KCNK9: variants seen among roughly 807,000 people sequenced by gnomAD.
KCNK9 encodes potassium channel subfamily K member 9.
KCNK9 carries 1 observed loss-of-function variant against 10.8 expected under a neutral mutation model. The observed-to-expected ratio is 0.09, with a 90% CI of 0.03 to 0.44. The LOEUF (loss-of-function observed/expected upper bound fraction) is 0.44. KCNK9 is among the 20% of genes least tolerant of loss of function. The probability of loss-of-function intolerance (pLI) is 0.97; values close to 1 mark genes in which losing one functional copy is unlikely to be tolerated. For missense variants in KCNK9, 303 were observed against 515.0 expected, an observed-to-expected ratio of 0.59 and a Z score of 3.98; for synonymous variants, 231 against 222.7, an observed-to-expected ratio of 1.04 and a Z score of -0.33.
rs577091538 is a variant in KCNK9 at position 139,636,479 on chromosome 8, C to T, written c.284-17380G>A. 1.3e-4 allele frequency among the ~76,000 whole-genome samples: 20 copies of T among 152,368 alleles called. No individual in the cohort carries two copies. In the South Asian group the frequency reaches 3.9e-3, roughly 30 times the overall value. On this transcript the variant is annotated intron_variant, in intron 1 of 1. Transcript: ENST00000520439. ...CAGATGCAGAACCTCTTTTCCCTTC[C>T]CTATGGCCCTTTCCTTTCAGCAGAG...
intron 1 of KCNK9, among the ~76,000 whole-genome samples, chr8:139,696,927 AGATG>A (rs1353059813): frequency 2.8e-5 from 4 of 141,846 alleles, no homozygotes; most frequent in African/African-American, 1.1e-4. Flanking sequence ...GTGGATGGAT[AGATG>A]GATGAAGGAG....
intron 1 of KCNK9, among the ~76,000 whole-genome samples, chr8:139,680,044 C>T (rs1157436979): frequency 6.6e-6 from 1 of 152,180 alleles, no homozygotes; most frequent in Non-Finnish European, 1.5e-5. Context: ...ATGGCTCCCA[C>T]CCCGACCAGG....
At chr8:139,628,894 G>A (rs759903157) in intron 1 of KCNK9, among the ~76,000 whole-genome samples, 1 of 152,206 alleles carries the variant, frequency 6.6e-6, no homozygotes, top group Non-Finnish European at 1.5e-5. Flanking sequence ...CCTTCCTGAG[G>A]AAGGCCAGCC....
chr8:139,669,721 C>T (rs767735243), intron 1 of KCNK9, among the ~76,000 whole-genome samples: 23 of 152,232 alleles, frequency 1.5e-4, no homozygotes, highest in Middle Eastern at 3.2e-3. Flanking sequence ...TTTTGACCTC[C>T]TTCTACGAAT....
chr8:139,619,213 G>C, intron 1 of KCNK9, 114 bp from the exon 2 acceptor site: 2 of 1,205,210 alleles, frequency 1.7e-6, no homozygotes, highest in Non-Finnish European at 2.4e-6. Context: ...ACCTGGTACT[G>C]GGGGAATTTC....
At chr8:139,614,535 C>A (rs970998844), downstream of KCNK9, among the ~76,000 whole-genome samples, 20 of 152,186 alleles carry the variant, frequency 1.3e-4, no homozygotes, top group African/African-American at 4.1e-4. Context: ...CCAGGCAGCT[C>A]GCTGTGCTTA....
At chr8:139,685,815 G>C (rs953929491) in intron 1 of KCNK9, among the ~76,000 whole-genome samples, 3 of 152,154 alleles carry the variant, frequency 2.0e-5, no homozygotes, top group African/African-American at 7.2e-5. Flanking sequence ...GCATTGCTGG[G>C]TCAAATGGTA....
chr8:139,629,381 C>T (rs1002854400), intron 1 of KCNK9, among the ~76,000 whole-genome samples: 1 of 152,246 alleles, frequency 6.6e-6, no homozygotes, highest in Non-Finnish European at 1.5e-5. Context: ...AGCAACTTCA[C>T]ATCTAGGCGT....
At chr8:139,651,758 G>A (rs923281622) in intron 1 of KCNK9, among the ~76,000 whole-genome samples, 1 of 152,192 alleles carries the variant, frequency 6.6e-6, no homozygotes, top group Admixed American at 6.5e-5. Flanking sequence ...TGGAGAATAG[G>A]AGGAATCATG....
At chr8:139,610,085 T>TCCAGCAC, downstream of KCNK9, among the ~76,000 whole-genome samples, 1 of 152,210 alleles carries the variant, frequency 6.6e-6, no homozygotes, top group East Asian at 1.9e-4. Flanking sequence ...TCCCTCAGCC[T>TCCAGCAC]CCACCACCCA....
At chr8:139,661,284 C>A (rs1417858527) in intron 1 of KCNK9, among the ~76,000 whole-genome samples, 1 of 152,198 alleles carries the variant, frequency 6.6e-6, no homozygotes, top group African/African-American at 2.4e-5. Context: ...GAGCTTACAT[C>A]CCAGTGTGGG....
intron 1 of KCNK9, among the ~76,000 whole-genome samples, chr8:139,623,629 C>T (rs2130117164): frequency 6.6e-6 from 1 of 152,214 alleles, no homozygotes; most frequent in South Asian, 2.1e-4. Flanking sequence ...TCTAGGACTC[C>T]AGGCTCCTAC....
chr8:139,672,943 C>T (rs952215652), intron 1 of KCNK9, among the ~76,000 whole-genome samples: 1 of 152,132 alleles, frequency 6.6e-6, no homozygotes, highest in African/African-American at 2.4e-5. Context: ...AGGGCAGGCT[C>T]ATGTTGGGGA....
At chr8:139,607,455 C>CG (rs1814257768) in intron 2 of KCNK9, among the ~76,000 whole-genome samples, 1 of 152,188 alleles carries the variant, frequency 6.6e-6, no homozygotes, top group Admixed American at 6.5e-5. Flanking sequence ...CGGGAGCTGC[C>CG]GGGCCCACTG....
In KCNK9 at chr8:139,664,064, C is replaced by T. The variant is rs370344938; in HGVS notation, c.283+38646G>A. ...AAACGGGAGCAGGGACCGATCAAGC[C>T]GCCTGCCCAAGGCCATACACTAAGA... On this transcript the variant is annotated intron_variant, in intron 1 of 1. Transcript: ENST00000520439. 2.6e-5 allele frequency among the ~76,000 whole-genome samples: 4 copies of T among 152,180 alleles called. No individual in the cohort carries two copies. The East Asian group carries it at 5.8e-4, about 22-fold the overall frequency.
At chr8:139,623,377 G>A (rs1279211416) in intron 1 of KCNK9, among the ~76,000 whole-genome samples, 1 of 152,144 alleles carries the variant, frequency 6.6e-6, no homozygotes, top group Non-Finnish European at 1.5e-5. Context: ...TCCATTGACT[G>A]TGCCCTGGGA....
At chr8:139,616,817 A>G (rs1814604949), downstream of KCNK9, 1 of 152,190 alleles carries the variant, frequency 6.6e-6, no homozygotes, top group Non-Finnish European at 1.5e-5. Context: ...GAGGGAAATT[A>G]AAGTCCCCTC....
intron 1 of KCNK9, among the ~76,000 whole-genome samples, chr8:139,629,757 CAGAG>C (rs1026688615): frequency 6.6e-6 from 1 of 152,148 alleles, no homozygotes; most frequent in Non-Finnish European, 1.5e-5. Flanking sequence ...CCAGATGGTG[CAGAG>C]AGAGACAGTG....
At chr8:139,670,942 G>C (rs1053255020) in intron 1 of KCNK9, among the ~76,000 whole-genome samples, 19 of 152,158 alleles carry the variant, frequency 1.2e-4, no homozygotes, top group African/African-American at 4.6e-4. Flanking sequence ...AGGGCCCCAA[G>C]CTGGCCTGTG....
Sources: allele counts gnomAD v4.1 joint callset (sites outside exome capture counted in the v4.1 genomes callset), GRCh38; gene constraint gnomAD v4.1.1; transcripts MANE v1.5; gene names NCBI Gene and HGNC (gene_info 2026-07-23, HGNC 2026-07-21).